ARHGEF38: variants seen among roughly 807,000 people sequenced by gnomAD.
ARHGEF38 encodes the protein Rho guanine nucleotide exchange factor (GEF) 38.
ARHGEF38 carries 79 observed loss-of-function variants against 79.9 expected under a neutral mutation model. The observed-to-expected ratio is 0.99, with a 90% CI of 0.82 to 1.19. The LOEUF (loss-of-function observed/expected upper bound fraction) is 1.19, where lower values mean the gene tolerates loss of function less well. ARHGEF38 is among the 50% of genes most tolerant of loss of function. The pLI, the probability that ARHGEF38 is intolerant of heterozygous loss-of-function variation, is 0.00. For synonymous variants in ARHGEF38, 366 were observed against 328.3 expected (o/e 1.11, Z -1.24); for missense variants, 962 against 907.2 (o/e 1.06, Z -0.78).
At chr4:105,571,287 AT>A (rs1461731826) in intron 1 of ARHGEF38, among the ~76,000 whole-genome samples, 1 of 151,468 alleles carries the variant, frequency 6.6e-6, no homozygotes, top group Non-Finnish European at 1.5e-5. Flanking sequence ...CAGTCCTAAA[AT>A]TAACTCATAC....
At chr4:105,668,896 A>G (rs1334333749) in intron 13 of ARHGEF38, among the ~76,000 whole-genome samples, 5 of 152,092 alleles carry the variant, frequency 3.3e-5, no homozygotes, top group African/African-American at 1.2e-4. Flanking sequence ...AATCAAAAAA[A>G]TTAGCCAAGA....
rs1729948963 is a variant in ARHGEF38, at chr4:105,648,485, G to T, written c.875-64G>T. The T allele has an allele frequency of 8.1e-6, 11 of 1,366,226 alleles. No homozygotes were observed. The South Asian group carries it at 1.4e-4, about 17-fold the overall frequency. The allele number at this position is 1,366,226 out of a possible 1,614,324, so 84.6% of individuals were successfully genotyped here. ...TATAAATACTCGTCTTGAAAACTTT[G>T]GGTGAAGTGCACACTTTCTATGCTG... is the stretch of plus-strand genomic sequence containing the variant. On this transcript the variant is annotated intron_variant, in intron 6 of 13. Coordinates refer to ENST00000420470, the MANE Select transcript of ARHGEF38 (RefSeq NM_001242729.2).
chr4:105,583,984 G>C (rs533699753), intron 1 of ARHGEF38, among the ~76,000 whole-genome samples: 1 of 151,982 alleles, frequency 6.6e-6, no homozygotes, highest in South Asian at 2.1e-4. Context: ...TATGTTTCCT[G>C]AGTATGTTCC....
chr4:105,608,085 G>T (rs1191101930), intron 2 of ARHGEF38, among the ~76,000 whole-genome samples: 1 of 152,038 alleles, frequency 6.6e-6, no homozygotes, highest in Non-Finnish European at 1.5e-5. Context: ...ATGAGGGCCC[G>T]CTTTCTAGAC....
At chr4:105,586,443 T>C (rs982514667) in intron 1 of ARHGEF38, among the ~76,000 whole-genome samples, 3 of 152,074 alleles carry the variant, frequency 2.0e-5, no homozygotes, top group Non-Finnish European at 4.4e-5. Context: ...CCCCACAAAT[T>C]TGTTCTCAAC....
chr4:105,666,262 G>A lies in ARHGEF38; in HGVS notation c.1631G>A (p.Ser544Asn). 6.5e-7 allele frequency: 1 copy of A among 1,535,222 alleles called. No individual in the cohort carries two copies. The highest frequency in any genetic ancestry group is 8.7e-7 in the Non-Finnish European group (1 of 1,146,448). ...AATTTGAATTGTGTGAAAGAAAACA[G>A]TGCCACCTTTATTGAGAGGAAACTC... is the stretch of plus-strand genomic sequence containing the variant. ...IQNLNCVKEN[S>N]ATFIERKLSF... is the part of the protein sequence containing the mutation. Residue 544 changes from serine (S) to asparagine (N), a missense_variant, in exon 11 of 14, where the codon AGT becomes AAT. Physicochemically the swap from Ser to Asn is conservative, Grantham distance 46. Coordinates refer to ENST00000420470, the MANE Select transcript of ARHGEF38 (RefSeq NM_001242729.2).
intron 1 of ARHGEF38, among the ~76,000 whole-genome samples, chr4:105,558,044 T>C (rs2110390445): frequency 6.6e-6 from 1 of 152,264 alleles, no homozygotes; most frequent in South Asian, 2.1e-4. Flanking sequence ...CCTTCTATTT[T>C]TGCAAAGGCT....
intron 1 of ARHGEF38, among the ~76,000 whole-genome samples, chr4:105,588,735 A>G (rs1727173819): frequency 6.6e-6 from 1 of 152,204 alleles, no homozygotes; most frequent in African/African-American, 2.4e-5. Context: ...ATGGATTCTG[A>G]TAGTGAATTG....
intron 7 of ARHGEF38, among the ~76,000 whole-genome samples, chr4:105,648,969 T>C (rs1258188185): frequency 6.6e-6 from 1 of 152,010 alleles, no homozygotes; most frequent in Non-Finnish European, 1.5e-5. Context: ...ACATGGGACA[T>C]AAGGTTGCCC....
At chr4:105,595,956 A>G (rs1727559391) in intron 2 of ARHGEF38, among the ~76,000 whole-genome samples, 1 of 152,220 alleles carries the variant, frequency 6.6e-6, no homozygotes, top group Non-Finnish European at 1.5e-5. Flanking sequence ...TCCCCTGATG[A>G]CAACTATATA....
intron 2 of ARHGEF38, among the ~76,000 whole-genome samples, chr4:105,612,657 G>A (rs572590667): frequency 6.6e-6 from 1 of 152,190 alleles, no homozygotes; most frequent in South Asian, 2.1e-4. Flanking sequence ...GACAGCTGAG[G>A]ATAGTTGTCC....
intron 2 of ARHGEF38, among the ~76,000 whole-genome samples, chr4:105,602,414 A>G (rs956091468): frequency 3.3e-5 from 5 of 152,178 alleles, no homozygotes; most frequent in Non-Finnish European, 7.4e-5. Flanking sequence ...ACGTTTTAGG[A>G]AGACTAATCT....
chr4:105,623,868 CCA>C (rs1252752487), intron 3 of ARHGEF38, among the ~76,000 whole-genome samples: 4 of 152,180 alleles, frequency 2.6e-5, no homozygotes, highest in Non-Finnish European at 2.9e-5. Flanking sequence ...CTAGCACCCC[CCA>C]GTTTGTCCTG....
chr4:105,655,536 T>A, intron 8 of ARHGEF38, 67 bp from the exon 9 acceptor site: 1 of 1,481,496 alleles, frequency 6.7e-7, no homozygotes, highest in South Asian at 1.3e-5. Flanking sequence ...GAAGTCCACA[T>A]TTGGGATATG....
intron 7 of ARHGEF38, among the ~76,000 whole-genome samples, chr4:105,649,855 A>T (rs1730025258): frequency 6.6e-6 from 1 of 152,240 alleles, no homozygotes; most frequent in South Asian, 2.1e-4. Flanking sequence ...CACAGGGAAG[A>T]AATTAAGAAC....
intron 2 of ARHGEF38, among the ~76,000 whole-genome samples, chr4:105,591,771 C>A (rs543357798): frequency 4.6e-5 from 7 of 152,236 alleles, no homozygotes; most frequent in African/African-American, 1.7e-4. Context: ...CTCATTTAAT[C>A]CCCCACAGTT....
chr4:105,607,365 G>C (rs961857381), intron 2 of ARHGEF38, among the ~76,000 whole-genome samples: 1 of 152,042 alleles, frequency 6.6e-6, no homozygotes, highest in African/African-American at 2.4e-5. Context: ...CTAGTGAATT[G>C]ATTACAAAGA....
chr4:105,594,318 C>T (rs546373594), intron 2 of ARHGEF38, among the ~76,000 whole-genome samples: 2 of 152,322 alleles, frequency 1.3e-5, no homozygotes, highest in South Asian at 4.1e-4. Context: ...GTTCTCACTT[C>T]CCTTCTGGAC....
chr4:105,589,076 T>C (rs1302494223), intron 1 of ARHGEF38, among the ~76,000 whole-genome samples, 172 bp from the exon 2 acceptor site: 1 of 152,226 alleles, frequency 6.6e-6, no homozygotes. Context: ...CCACTTTTCT[T>C]CTTGCTTATA....
Sources: gnomAD v4.1 joint callset for allele counts (sites outside exome capture counted in the v4.1 genomes callset) on GRCh38, gnomAD v4.1.1 for gene constraint, MANE v1.5 for transcripts, NCBI Gene and HGNC (gene_info 2026-07-23, HGNC 2026-07-21) for gene names.